The following PIGL variants were observed in gnomAD, a reference collection of about 807,000 sequenced individuals.
The protein encoded by PIGL is N-acetylglucosaminyl-phosphatidylinositol de-N-acetylase.
PIGL carries 22 observed loss-of-function variants against 31.1 expected under a neutral mutation model. The observed-to-expected ratio is 0.71, with a 90% confidence interval of 0.51 to 1.01. PIGL has a LOEUF of 1.01. Ranked by LOEUF, PIGL falls within the 50% of genes least tolerant of loss-of-function variation. The probability of loss-of-function intolerance (pLI) is 0.00; values close to 1 mark genes in which losing one functional copy is unlikely to be tolerated. For missense variants in PIGL, 302 were observed against 315.9 expected, an observed-to-expected ratio of 0.96 and a Z score of 0.33; for synonymous variants, 131 against 117.4, an observed-to-expected ratio of 1.12 and a Z score of -0.75.
intron 2 of PIGL, among the ~76,000 whole-genome samples, chr17:16,248,276 CT>C (rs547447783): frequency 1.3e-5 from 2 of 152,128 alleles, no homozygotes; most frequent in African/African-American, 2.4e-5. Context: ...GCAATTTCTT[CT>C]TTATCTCTCA....
intron 1 of PIGL, among the ~76,000 whole-genome samples, chr17:16,229,247 G>A (rs140347051): frequency 4.9e-4 from 75 of 151,904 alleles, no homozygotes; most frequent in Non-Finnish European, 7.2e-4. Flanking sequence ...GCTGCATTCC[G>A]GCCTGGGTGA....
At position 16,220,479 on chromosome 17, in the gene PIGL, TA is replaced by T. The variant is rs1418795364; in HGVS notation, c.235+3019del. 2.3e-3 allele frequency among the ~76,000 whole-genome samples: 178 copies of T among 77,416 alleles called. 4 individuals are homozygous for T. Among genetic ancestry groups the T allele is most frequent in the Middle Eastern group, 0.016 (2 of 128 alleles). The allele number at this position is 77,416 out of a possible 152,430, so 50.8% of individuals were successfully genotyped here. A position where few individuals can be genotyped will look rare whatever the true frequency, so the allele number is the denominator to read the frequency against. ...CTTTATTTGTGTTTTTTTAAATTGT[TA>T]TTTTTTTTTTTTTTTTTTTTTTTTT... On this transcript the variant is annotated intron_variant, in intron 1 of 6. Coordinates refer to ENST00000225609, the MANE Select transcript of PIGL (RefSeq NM_004278.4).
intron 2 of PIGL, among the ~76,000 whole-genome samples, chr17:16,251,962 C>G (rs2092773614): frequency 6.7e-6 from 1 of 149,922 alleles, no homozygotes; most frequent in Non-Finnish European, 1.5e-5. Context: ...TCATTTGTTG[C>G]TTTTGTGCTT....
intron 2 of PIGL, among the ~76,000 whole-genome samples, chr17:16,291,268 A>C (rs891679068): frequency 9.3e-5 from 14 of 150,970 alleles, no homozygotes; most frequent in Non-Finnish European, 1.8e-4. Context: ...AGCACTTTGG[A>C]GGCTGAGGCG....
intron 2 of PIGL, among the ~76,000 whole-genome samples, chr17:16,259,768 A>G (rs1404288292): frequency 6.6e-6 from 1 of 151,938 alleles, no homozygotes; most frequent in African/African-American, 2.4e-5. Context: ...GGGGCTGCAC[A>G]CTCCATGGAG....
chr17:16,299,743 C>T, intron 2 of PIGL, 145 bp from the exon 3 acceptor site: 1 of 667,428 alleles, frequency 1.5e-6, no homozygotes, highest in South Asian at 1.8e-5. Flanking sequence ...TAAATCTCAC[C>T]TTAACTGAAA....
intron 6 of PIGL, among the ~76,000 whole-genome samples, chr17:16,322,567 A>G (rs2093110642): frequency 6.6e-6 from 1 of 152,092 alleles, no homozygotes; most frequent in Non-Finnish European, 1.5e-5. Flanking sequence ...TAATTTATAG[A>G]CTCCATTGTG....
intron 3 of PIGL, among the ~76,000 whole-genome samples, chr17:16,307,652 C>T (rs1161033483): frequency 3.9e-5 from 6 of 152,096 alleles, no homozygotes; most frequent in Non-Finnish European, 7.4e-5. Flanking sequence ...GCTGTTATTA[C>T]AGCTATTACC....
chr17:16,317,595 C>G, intron 5 of PIGL, 180 bp from the exon 6 acceptor site: 3 of 1,405,468 alleles, frequency 2.1e-6, no homozygotes, highest in Non-Finnish European at 2.8e-6. Flanking sequence ...GGCCCTTTTA[C>G]TCGTTCTAGC....
chr17:16,256,695 G>GTT (rs2092795151), intron 2 of PIGL, among the ~76,000 whole-genome samples: 4 of 149,814 alleles, frequency 2.7e-5, no homozygotes, highest in African/African-American at 7.4e-5. Flanking sequence ...TGTTTTTTGT[G>GTT]TGTTTGTTTG....
intron 2 of PIGL, among the ~76,000 whole-genome samples, chr17:16,266,372 G>C (rs1362528302): frequency 8.0e-6 from 1 of 125,334 alleles, no homozygotes; most frequent in Non-Finnish European, 1.6e-5. Flanking sequence ...CTGGGCAACA[G>C]AGCGAGACTC....
intron 2 of PIGL, among the ~76,000 whole-genome samples, chr17:16,235,373 T>C (rs1219890527): frequency 6.6e-6 from 1 of 152,090 alleles, no homozygotes; most frequent in African/African-American, 2.4e-5. Flanking sequence ...AACTGAATTA[T>C]GTTGTCATAC....
chr17:16,312,094 C>A (rs1173875771), intron 3 of PIGL, among the ~76,000 whole-genome samples: 7 of 141,722 alleles, frequency 4.9e-5, no homozygotes, highest in Admixed American at 4.8e-4. Context: ...GGCTGCCCCC[C>A]CACCTCCCTC....
At chr17:16,298,046 A>G (rs945927814) in intron 2 of PIGL, among the ~76,000 whole-genome samples, 4 of 152,102 alleles carry the variant, frequency 2.6e-5, no homozygotes, top group African/African-American at 9.7e-5. Context: ...GCACGCCCCT[A>G]TGAGGATCTA....
chr17:16,232,133 C>T (rs1416759449), intron 1 of PIGL, among the ~76,000 whole-genome samples: 1 of 152,004 alleles, frequency 6.6e-6, no homozygotes, highest in Non-Finnish European at 1.5e-5. Flanking sequence ...CAAAAATTAG[C>T]CAGGCGTGGT....
At chr17:16,245,150 G>A (rs1018128619) in intron 2 of PIGL, among the ~76,000 whole-genome samples, 1 of 151,992 alleles carries the variant, frequency 6.6e-6, no homozygotes, top group Non-Finnish European at 1.5e-5. Flanking sequence ...CCACCACCAC[G>A]CCCAGCTAAT....
Position 16,242,042 on chromosome 17 carries a change from A to G in PIGL, c.335+7972A>G, listed in dbSNP as rs1413240146. Among the ~76,000 whole-genome samples, 3 of 151,814 alleles carry G rather than the reference A, an allele frequency of 2.0e-5. No individual in the cohort carries two copies. The East Asian group carries it at 5.8e-4, about 29-fold the overall frequency. ...TTGAATTACTGGGTCAGAGTATAGG[A>G]CTTTTTCTTTGGGGTTTTTTTTTGT... is the stretch of plus-strand genomic sequence containing the variant. On this transcript the variant is annotated intron_variant, in intron 2 of 6. Coordinates refer to ENST00000225609, the MANE Select transcript of PIGL (RefSeq NM_004278.4).
At chr17:16,227,582 T>C (rs1188535518) in intron 1 of PIGL, among the ~76,000 whole-genome samples, 1 of 144,032 alleles carries the variant, frequency 6.9e-6, no homozygotes, top group African/African-American at 2.6e-5. Flanking sequence ...TCTTTTCTTT[T>C]TTTTTTTTTT....
chr17:16,303,850 G>A (rs2142842890), intron 3 of PIGL, among the ~76,000 whole-genome samples: 1 of 152,238 alleles, frequency 6.6e-6, no homozygotes, highest in South Asian at 2.1e-4. Context: ...GAGTAGCTGG[G>A]ACTACAGGCG....
Sources: allele counts gnomAD v4.1 joint callset (sites outside exome capture counted in the v4.1 genomes callset), GRCh38; gene constraint gnomAD v4.1.1; transcripts MANE v1.5; gene names NCBI Gene and HGNC (gene_info 2026-07-23, HGNC 2026-07-21).